EPB41L2: variants seen among roughly 807,000 people sequenced by gnomAD.
EPB41L2 encodes erythrocyte membrane protein band 4.1 like 2.
EPB41L2 carries 43 observed loss-of-function variants against 113.0 expected under a neutral mutation model. The observed-to-expected ratio is 0.38, with a 90% CI of 0.30 to 0.49. EPB41L2 has a LOEUF of 0.49. Ranked by LOEUF, EPB41L2 falls within the 20% of genes least tolerant of loss-of-function variation. The pLI, the probability that EPB41L2 is intolerant of heterozygous loss-of-function variation, is 0.95. For missense variants in EPB41L2, 1,147 were observed against 1,223.4 expected, an observed-to-expected ratio of 0.94 and a Z score of 0.93; for synonymous variants, 442 against 436.7, an observed-to-expected ratio of 1.01 and a Z score of -0.15.
chr6:131,052,402 C>T (rs1450887874), intron 1 of EPB41L2, among the ~76,000 whole-genome samples: 1 of 152,108 alleles, frequency 6.6e-6, no homozygotes, highest in Non-Finnish European at 1.5e-5. Context: ...GAAATAAAAC[C>T]AGTCCAGGAT....
chr6:130,982,594 G>A (rs1218666674), intron 1 of EPB41L2, among the ~76,000 whole-genome samples: 1 of 152,192 alleles, frequency 6.6e-6, no homozygotes, highest in Non-Finnish European at 1.5e-5. Flanking sequence ...AAAACTTTGT[G>A]TCAAAACGTA....
At chr6:130,853,955 C>G (rs535874238) in intron 19 of EPB41L2, among the ~76,000 whole-genome samples, 67 of 152,346 alleles carry the variant, frequency 4.4e-4, no homozygotes, top group African/African-American at 1.6e-3. Flanking sequence ...ATCTGACAGT[C>G]ACCAGCAAAG....
intron 4 of EPB41L2, among the ~76,000 whole-genome samples, chr6:130,914,277 T>C (rs1283607499): frequency 6.6e-6 from 1 of 152,218 alleles, no homozygotes; most frequent in Non-Finnish European, 1.5e-5. Context: ...TAAATTATCA[T>C]CTTTTGGTAT....
At chr6:130,870,272 C>T (rs537482721) in intron 14 of EPB41L2, 146 bp from the exon 15 acceptor site, 14 of 1,544,706 alleles carry the variant, frequency 9.1e-6, no homozygotes, top group Admixed American at 2.0e-5. Context: ...GCGGGGCAAA[C>T]GTGAGGGCAA....
chr6:130,883,979 AC>A lies in EPB41L2; in HGVS notation c.1833+1116del, dbSNP rs1790104840. ...AGGAATTCCTGAGGCACTGGCAGCT[AC>A]TTCATCTAGCATGTCTTTATACATT... On this transcript the variant is annotated intron_variant, in intron 12 of 19. Transcript: ENST00000337057. 5.3e-5 allele frequency among the ~76,000 whole-genome samples: 8 copies of A among 152,188 alleles called. 1 individual carries two copies. In the South Asian group the frequency reaches 1.2e-3, roughly 24 times the overall value.
intron 19 of EPB41L2, among the ~76,000 whole-genome samples, chr6:130,852,064 C>T (rs993924013): frequency 2.6e-5 from 4 of 152,210 alleles, no homozygotes; most frequent in Non-Finnish European, 5.9e-5. Context: ...AACTCATTAT[C>T]TCTGGGGTAG....
chr6:131,012,382 G>A (rs1412992972), intron 1 of EPB41L2, among the ~76,000 whole-genome samples: 1 of 148,516 alleles, frequency 6.7e-6, no homozygotes, highest in Non-Finnish European at 1.5e-5. Context: ...GTGAACTGTA[G>A]GATGTTTAGC....
intron 1 of EPB41L2, among the ~76,000 whole-genome samples, chr6:130,997,071 T>A (rs1435949744): frequency 6.6e-6 from 1 of 152,188 alleles, no homozygotes; most frequent in Non-Finnish European, 1.5e-5. Flanking sequence ...ATACTATTCC[T>A]CTTTGAGCTT....
At chr6:130,844,026 C>T (rs76968606) in intron 19 of EPB41L2, among the ~76,000 whole-genome samples, 7,139 of 152,236 alleles carry the variant, frequency 0.047, 236 homozygotes, top group East Asian at 0.12. Context: ...GAGTGCTCTA[C>T]TCCAGAAATT....
chr6:130,890,283 A>T lies in EPB41L2; in HGVS notation c.1660+11T>A, dbSNP rs774228126. 5 of 1,593,492 alleles carry T rather than the reference A, an allele frequency of 3.1e-6. No individual in the cohort carries two copies. The South Asian group carries it at 3.5e-5, about 11-fold the overall frequency. On this transcript the variant is annotated intron_variant, in intron 11 of 19. Coordinates refer to ENST00000337057, the MANE Select transcript of EPB41L2 (RefSeq NM_001431.4). ...ATGAATGAAAATCAAAATTATCATA[A>T]ATGTGTTTACCTCCATCTAGACTCC...
At chr6:130,958,128 T>C (rs1194143531) in intron 1 of EPB41L2, among the ~76,000 whole-genome samples, 1 of 152,092 alleles carries the variant, frequency 6.6e-6, no homozygotes, top group Non-Finnish European at 1.5e-5. Flanking sequence ...CAAATAAGCA[T>C]ACATTAAGTC....
intron 3 of EPB41L2, among the ~76,000 whole-genome samples, chr6:130,933,909 C>T (rs1562522591): frequency 6.6e-6 from 1 of 152,130 alleles, no homozygotes; most frequent in Non-Finnish European, 1.5e-5. Context: ...TCACTGTCTC[C>T]GTGTAGGGCC....
intron 15 of EPB41L2, chr6:130,867,970 ACACTCTCTCTCT>A (rs763508594): frequency 1.4e-3 from 147 of 102,610 alleles, no homozygotes; most frequent in Middle Eastern, 8.3e-3. Flanking sequence ...ACACACACAC[ACACTCTCTCTCT>A]CTCTCTCTCT....
At position 130,863,619 on chromosome 6, in the gene EPB41L2, T is replaced by C; in HGVS notation, c.2910+19A>G. On this transcript the variant is annotated intron_variant, in intron 18 of 19. Coordinates refer to ENST00000337057, the MANE Select transcript of EPB41L2 (RefSeq NM_001431.4). The stretch of plus-strand genomic sequence containing the variant: ...AAACAAACAGGGCCATTTCCAAAAC[T>C]AGAACTTAACTTATTTACCTGGTCA... 6.4e-7 allele frequency: 1 copy of C among 1,569,910 alleles called. No homozygotes were observed. Among genetic ancestry groups the C allele is most frequent in the East Asian group, 2.2e-5 (1 of 44,648 alleles).
chr6:130,999,920 G>A (rs1784005061), intron 1 of EPB41L2, among the ~76,000 whole-genome samples: 1 of 152,138 alleles, frequency 6.6e-6, no homozygotes, highest in African/African-American at 2.4e-5. Context: ...TAGTTGCCAG[G>A]TATTTCTCAT....
intron 4 of EPB41L2, among the ~76,000 whole-genome samples, chr6:130,921,709 T>C (rs1315551472): frequency 6.6e-6 from 1 of 152,210 alleles, no homozygotes; most frequent in African/African-American, 2.4e-5. Flanking sequence ...TGCTTTAATA[T>C]ACCAATATAA....
chr6:131,060,317 A>AGG (rs1350511492), intron 1 of EPB41L2, among the ~76,000 whole-genome samples: 2 of 152,250 alleles, frequency 1.3e-5, no homozygotes, highest in African/African-American at 2.4e-5. Context: ...GTAATATGAG[A>AGG]GGGGTGATTC....
At chr6:130,878,411 T>C in intron 13 of EPB41L2, 161 bp from the exon 14 acceptor site, 2 of 692,462 alleles carry the variant, frequency 2.9e-6, no homozygotes, top group African/African-American at 1.9e-5. Flanking sequence ...TATTATTATC[T>C]ATGAGTAAGT....
chr6:130,848,283 CCT>C (rs1777719950), intron 19 of EPB41L2, among the ~76,000 whole-genome samples: 1 of 150,416 alleles, frequency 6.6e-6, no homozygotes, highest in Admixed American at 6.7e-5. Context: ...TTAAGGTTGT[CCT>C]CTCACTTCAT....
Sources: allele counts gnomAD v4.1 joint callset (sites outside exome capture counted in the v4.1 genomes callset), GRCh38; gene constraint gnomAD v4.1.1; transcripts MANE v1.5; gene names NCBI Gene and HGNC (gene_info 2026-07-23, HGNC 2026-07-21).